Variants in SLC35F3 observed in about 807,000 individuals in gnomAD.
SLC35F3 encodes the protein solute carrier family 35 member F3.
Under a neutral mutation model 49.9 loss-of-function variants are expected in SLC35F3, and 25 were observed. That is an observed-to-expected ratio of 0.50 (90% CI 0.37 to 0.70). The LOEUF (loss-of-function observed/expected upper bound fraction) is 0.70. Ranked by LOEUF, SLC35F3 falls within the 30% of genes least tolerant of loss-of-function variation. The pLI, the probability that SLC35F3 is intolerant of heterozygous loss-of-function variation, is 0.00. For missense variants in SLC35F3, 525 were observed against 639.8 expected (o/e 0.82, Z 1.94); for synonymous variants, 275 against 265.4 (o/e 1.04, Z -0.35).
rs191274278 is a variant in SLC35F3, at chr1:233,994,900, C to T, written c.283+89142C>T. On this transcript the variant is annotated intron_variant, in intron 2 of 7. Coordinates refer to ENST00000366618, the MANE Select transcript of SLC35F3 (RefSeq NM_173508.4). ...CCAAAATTTGAAATTACATCATAAC[C>T]TGATGGGAAGAACACAGATTCTGGA... Among the ~76,000 whole-genome samples, 63 of 152,074 alleles carry T rather than the reference C, an allele frequency of 4.1e-4. No homozygotes were observed. The East Asian group carries it at 0.011, about 27-fold the overall frequency.
intron 3 of SLC35F3, among the ~76,000 whole-genome samples, chr1:234,271,339 G>A (rs563993020): frequency 2.3e-4 from 35 of 151,732 alleles, no homozygotes; most frequent in African/African-American, 7.5e-4. Flanking sequence ...GGCACCTATA[G>A]TATGATGAGT....
intron 2 of SLC35F3, among the ~76,000 whole-genome samples, chr1:233,973,683 GAAGC>G (rs1380467515): frequency 6.6e-6 from 1 of 152,212 alleles, no homozygotes. Context: ...CGTGGGTGGG[GAAGC>G]AAGGCAGACA....
chr1:234,077,036 C>T (rs1459367147), intron 2 of SLC35F3, among the ~76,000 whole-genome samples: 4 of 133,220 alleles, frequency 3.0e-5, no homozygotes, highest in Non-Finnish European at 4.6e-5. Context: ...CTCGCTCTGT[C>T]GCCCAGGCCG....
In SLC35F3 at chr1:233,908,536, C is replaced by CTT. The variant is rs898041195; in HGVS notation, c.283+2802_283+2803dup. Among the ~76,000 whole-genome samples the CTT allele has an allele frequency of 4.9e-3, 414 of 84,898 alleles. 6 individuals are homozygous for CTT. Among genetic ancestry groups the CTT allele is most frequent in the Non-Finnish European group, 6.6e-3 (290 of 43,700 alleles). The allele number at this position is 84,898 out of a possible 152,430, so 55.7% of individuals were successfully genotyped here. Reference sequence around the variant, plus strand: ...AGACAAGAGAATTTTGTAAAGGATTCTTTTTTTTTTTTTTTTTTTTTTTTT... The same window carrying CTT: ...AGACAAGAGAATTTTGTAAAGGATTCTTTTTTTTTTTTTTTTTTTTTTTTTTT... On this transcript the variant is annotated intron_variant, in intron 2 of 7. Transcript: ENST00000366618.
At chr1:234,121,081 T>C (rs1055398594) in intron 2 of SLC35F3, among the ~76,000 whole-genome samples, 1 of 152,088 alleles carries the variant, frequency 6.6e-6, no homozygotes, top group African/African-American at 2.4e-5. Context: ...TGATAATTTT[T>C]TTTTCTGAGT....
chr1:234,176,057 C>T (rs1485673014), intron 2 of SLC35F3, among the ~76,000 whole-genome samples: 1 of 152,224 alleles, frequency 6.6e-6, no homozygotes, highest in East Asian at 1.9e-4. Flanking sequence ...TGTCCCCACC[C>T]ACCTTCAGCC....
At chr1:234,009,136 A>AT (rs1558204133) in intron 2 of SLC35F3, among the ~76,000 whole-genome samples, 9 of 152,330 alleles carry the variant, frequency 5.9e-5, no homozygotes, top group African/African-American at 2.2e-4. Context: ...TTTCCTATCT[A>AT]TCGAAAAAAA....
At chr1:234,122,788 G>C (rs761657327) in intron 2 of SLC35F3, among the ~76,000 whole-genome samples, 2 of 152,160 alleles carry the variant, frequency 1.3e-5, no homozygotes, top group Non-Finnish European at 2.9e-5. Flanking sequence ...TCCCTGCAAA[G>C]GACATGATCT....
Position 234,309,119 on chromosome 1 carries a change from TG to T in SLC35F3, c.629del (p.Gly210GlufsTer5). 1 of 1,614,142 alleles carries T rather than the reference TG, an allele frequency of 6.2e-7. No homozygotes were observed. ...QRYRECCRFF[G>X]DNGLTLKVFF... ...GTTTTAGGGAATGCTGTCGATTTTT[TG>T]GAGACAATGGCTTGACTTTGAAGGT... On this transcript the variant is annotated frameshift_variant, in exon 4 of 8. Transcript: ENST00000366618. LOFTEE classifies it high-confidence loss of function.
At chr1:234,035,022 A>T (rs1321325118) in intron 2 of SLC35F3, among the ~76,000 whole-genome samples, 1 of 152,200 alleles carries the variant, frequency 6.6e-6, no homozygotes, top group Admixed American at 6.5e-5. Context: ...CTTCGTAGGT[A>T]AATCTTTTCC....
intron 2 of SLC35F3, among the ~76,000 whole-genome samples, chr1:234,170,102 C>G (rs774924501): frequency 6.6e-6 from 1 of 152,168 alleles, no homozygotes; most frequent in Non-Finnish European, 1.5e-5. Flanking sequence ...TGCCTCTTCT[C>G]CAGCCCCACT....
intron 2 of SLC35F3, among the ~76,000 whole-genome samples, chr1:234,103,328 A>G (rs996858691): frequency 2.0e-5 from 3 of 152,082 alleles, no homozygotes; most frequent in Non-Finnish European, 4.4e-5. Context: ...GCATCTGAGC[A>G]TCTGCCTTCA....
chr1:234,297,119 G>A (rs1208986983), intron 3 of SLC35F3, among the ~76,000 whole-genome samples: 1 of 152,202 alleles, frequency 6.6e-6, no homozygotes, highest in African/African-American at 2.4e-5. Flanking sequence ...CCTCACATCT[G>A]TTAGAATGGC....
chr1:234,085,639 G>A (rs1473520620), intron 2 of SLC35F3, among the ~76,000 whole-genome samples: 1 of 152,122 alleles, frequency 6.6e-6, no homozygotes, highest in Non-Finnish European at 1.5e-5. Flanking sequence ...GGGATATAAA[G>A]GTCATAAACC....
intron 2 of SLC35F3, among the ~76,000 whole-genome samples, chr1:234,226,135 T>G (rs1158597285): frequency 1.3e-5 from 2 of 152,230 alleles, no homozygotes; most frequent in African/African-American, 2.4e-5. Context: ...TACTGAGTTG[T>G]GTACTTAACT....
intron 2 of SLC35F3, among the ~76,000 whole-genome samples, chr1:233,989,629 G>C (rs1663321261): frequency 6.6e-6 from 1 of 152,022 alleles, no homozygotes; most frequent in Non-Finnish European, 1.5e-5. Context: ...AATATTTCTA[G>C]TATTATATGA....
intron 2 of SLC35F3, among the ~76,000 whole-genome samples, chr1:234,050,955 T>A (rs1664367970): frequency 6.6e-6 from 1 of 152,142 alleles, no homozygotes; most frequent in Non-Finnish European, 1.5e-5. Flanking sequence ...TGTAGATGTG[T>A]GGTATTATTT....
intron 2 of SLC35F3, among the ~76,000 whole-genome samples, chr1:233,918,041 A>G (rs1444716277): frequency 6.6e-6 from 1 of 152,240 alleles, no homozygotes; most frequent in Non-Finnish European, 1.5e-5. Context: ...GGGTTGTTAA[A>G]GGATTATCCT....
chr1:234,025,933 T>C (rs576266108), intron 2 of SLC35F3, among the ~76,000 whole-genome samples: 1 of 152,340 alleles, frequency 6.6e-6, no homozygotes, highest in African/African-American at 2.4e-5. Flanking sequence ...ATTTTTATAG[T>C]TTTAGGTCTT....
Sources: gnomAD v4.1 joint callset for allele counts (sites outside exome capture counted in the v4.1 genomes callset) on GRCh38, gnomAD v4.1.1 for gene constraint, MANE v1.5 for transcripts, NCBI Gene and HGNC (gene_info 2026-07-23, HGNC 2026-07-21) for gene names.